KIAA1958: variants seen among roughly 807,000 people sequenced by gnomAD.
KIAA1958 encodes KIAA1958.
In KIAA1958, 14 loss-of-function variants were observed where a neutral mutation model predicts 47.2. That is an observed-to-expected ratio of 0.30 (90% CI 0.20 to 0.46). The LOEUF is 0.46. Ranked by LOEUF, KIAA1958 falls within the 20% of genes least tolerant of loss-of-function variation. KIAA1958 has a pLI of 1.00. For synonymous variants in KIAA1958, 354 were observed against 353.3 expected (o/e 1.00, Z -0.02); for missense variants, 803 against 909.2 (o/e 0.88, Z 1.50).
At chr9:112,503,401 C>T (rs531727486) in intron 1 of KIAA1958, among the ~76,000 whole-genome samples, 2 of 152,036 alleles carry the variant, frequency 1.3e-5, no homozygotes, top group Admixed American at 1.3e-4. Flanking sequence ...CTCCTTTAAT[C>T]CCAGCACTTT....
intron 3 of KIAA1958, among the ~76,000 whole-genome samples, chr9:112,646,685 T>C (rs935136454): frequency 6.6e-6 from 1 of 152,170 alleles, no homozygotes; most frequent in Non-Finnish European, 1.5e-5. Context: ...TACAGTGTGC[T>C]ACAGCCATGA....
chr9:112,559,435 A>G (rs546810384), intron 1 of KIAA1958, among the ~76,000 whole-genome samples: 97 of 152,340 alleles, frequency 6.4e-4, no homozygotes, highest in African/African-American at 8.7e-4. Flanking sequence ...GAGGGTTTCA[A>G]GTGAGGCAGA....
At chr9:112,509,849 T>C (rs574537292) in intron 1 of KIAA1958, among the ~76,000 whole-genome samples, 1 of 152,258 alleles carries the variant, frequency 6.6e-6, no homozygotes, top group African/African-American at 2.4e-5. Flanking sequence ...AGAAAAGTTA[T>C]GGAGAAGCCA....
chr9:112,493,245 T>C (rs565517260), intron 1 of KIAA1958, among the ~76,000 whole-genome samples: 1 of 152,304 alleles, frequency 6.6e-6, no homozygotes, highest in East Asian at 1.9e-4. Context: ...TGTCTGATGA[T>C]TCCTGAATCT....
intron 1 of KIAA1958, among the ~76,000 whole-genome samples, chr9:112,510,004 G>A (rs951052942): frequency 2.0e-5 from 3 of 152,154 alleles, no homozygotes; most frequent in African/African-American, 7.2e-5. Context: ...TTACCTTTGT[G>A]GGCAGCTTAA....
At chr9:112,589,940 T>G (rs370123372) in intron 2 of KIAA1958, among the ~76,000 whole-genome samples, 8 of 152,158 alleles carry the variant, frequency 5.3e-5, no homozygotes, top group African/African-American at 1.7e-4. Context: ...TTTTCATTAG[T>G]CTCCTGGATT....
intron 2 of KIAA1958, among the ~76,000 whole-genome samples, chr9:112,612,208 G>A (rs918222831): frequency 6.6e-6 from 1 of 151,882 alleles, no homozygotes; most frequent in Non-Finnish European, 1.5e-5. Flanking sequence ...AGGGGTTTGA[G>A]ACCAACCTGG....
intron 2 of KIAA1958, chr9:112,619,100 A>G (rs1009225252): frequency 2.1e-5 from 10 of 467,906 alleles, no homozygotes; most frequent in African/African-American, 1.9e-4. Flanking sequence ...CTAACATAGT[A>G]TTTATAGGCT....
chr9:112,622,591 TTATAAA>T (rs924354225), intron 2 of KIAA1958, among the ~76,000 whole-genome samples: 4 of 152,242 alleles, frequency 2.6e-5, no homozygotes, highest in Admixed American at 6.5e-5. Flanking sequence ...TGAATATGAC[TTATAAA>T]TATATATCAG....
chr9:112,492,022 T>TC (rs1202029752), intron 1 of KIAA1958, among the ~76,000 whole-genome samples: 2 of 152,232 alleles, frequency 1.3e-5, no homozygotes, highest in Non-Finnish European at 2.9e-5. Flanking sequence ...AAAAGCTCTA[T>TC]CCTTTTTTCT....
At chr9:112,572,971 T>A (rs934425345) in intron 1 of KIAA1958, among the ~76,000 whole-genome samples, 2 of 152,194 alleles carry the variant, frequency 1.3e-5, no homozygotes, top group African/African-American at 4.8e-5. Flanking sequence ...GGGGCACCTC[T>A]TGTCACCCAC....
intron 3 of KIAA1958, among the ~76,000 whole-genome samples, chr9:112,647,456 AAAAC>A (rs1836994421): frequency 6.6e-6 from 1 of 152,178 alleles, no homozygotes; most frequent in African/African-American, 2.4e-5. Context: ...CTCGTTAAAA[AAAAC>A]AAAAAACAAA....
At chr9:112,659,176 A>C (rs1003422628) in intron 3 of KIAA1958, 87 bp from the exon 4 acceptor site, 11 of 1,113,588 alleles carry the variant, frequency 9.9e-6, no homozygotes, top group Non-Finnish European at 1.4e-5. Context: ...AATGTCCTCA[A>C]CACAGCCCCT....
At chr9:112,556,158 A>G (rs1411872231) in intron 1 of KIAA1958, among the ~76,000 whole-genome samples, 7 of 152,224 alleles carry the variant, frequency 4.6e-5, no homozygotes, top group Admixed American at 3.3e-4. Flanking sequence ...CATTCAAACC[A>G]TAGCACCAAG....
At chr9:112,594,847 A>C (rs992908460) in intron 2 of KIAA1958, among the ~76,000 whole-genome samples, 4 of 152,222 alleles carry the variant, frequency 2.6e-5, no homozygotes, top group Non-Finnish European at 5.9e-5. Flanking sequence ...CATTCCCACC[A>C]GTAATGTATG....
chr9:112,545,355 T>A (rs1318364386), intron 1 of KIAA1958, among the ~76,000 whole-genome samples: 1 of 152,206 alleles, frequency 6.6e-6, no homozygotes, highest in Non-Finnish European at 1.5e-5. Flanking sequence ...TAAATTGCTT[T>A]GCTTATGTAT....
chr9:112,574,964 G>A lies in KIAA1958; in HGVS notation c.884G>A (p.Gly295Glu). 1 of 1,614,068 alleles carries A rather than the reference G, an allele frequency of 6.2e-7. No individual in the cohort carries two copies. The highest frequency in any genetic ancestry group is 8.5e-7 in the Non-Finnish European group (1 of 1,180,010). Residue 295 changes from glycine to glutamate, a missense_variant, in exon 2 of 4, where the codon GGA becomes GAA. Coordinates refer to ENST00000337530, the MANE Select transcript of KIAA1958 (RefSeq NM_133465.4). ...ARVSLASPNR[G>E]PPGTHGTNQQ... ...GTATCTCTGGCTTCACCAAACAGAG[G>A]ACCCCCTGGTACACATGGCACCAAC...
chr9:112,559,336 T>C (rs1389512679), intron 1 of KIAA1958, among the ~76,000 whole-genome samples: 1 of 152,192 alleles, frequency 6.6e-6, no homozygotes, highest in Non-Finnish European at 1.5e-5. Context: ...ACTTTGGTTT[T>C]AAAGGTCAAA....
intron 1 of KIAA1958, among the ~76,000 whole-genome samples, chr9:112,569,915 C>T (rs1835504440): frequency 6.6e-6 from 1 of 152,128 alleles, no homozygotes; most frequent in African/African-American, 2.4e-5. Context: ...TGAGCCACTG[C>T]ACCTGGCCCA....
Sources: gnomAD v4.1 joint callset for allele counts (sites outside exome capture counted in the v4.1 genomes callset) on GRCh38, gnomAD v4.1.1 for gene constraint, MANE v1.5 for transcripts, NCBI Gene and HGNC (gene_info 2026-07-23, HGNC 2026-07-21) for gene names.